Variants in CCBE1 observed in about 807,000 individuals in gnomAD.
CCBE1 encodes collagen and calcium-binding EGF domain-containing protein 1.
In CCBE1, 37 loss-of-function variants were observed where a neutral mutation model predicts 50.0. The observed-to-expected ratio is 0.74, with a 90% CI of 0.57 to 0.97. The LOEUF (loss-of-function observed/expected upper bound fraction) is 0.97, where lower values mean the gene tolerates loss of function less well. Among genes scored for constraint, CCBE1 ranks in the 50% least tolerant of loss-of-function variants. The pLI is 0.00. For missense variants in CCBE1, 538 were observed against 523.8 expected (o/e 1.03, Z -0.26); for synonymous variants, 234 against 203.7 (o/e 1.15, Z -1.27).
At chr18:59,558,031 G>A (rs932113082) in intron 2 of CCBE1, among the ~76,000 whole-genome samples, 7 of 152,292 alleles carry the variant, frequency 4.6e-5, no homozygotes, top group Non-Finnish European at 7.4e-5. Context: ...AAAACTCCCC[G>A]GAGGTGGAGC....
intron 2 of CCBE1, among the ~76,000 whole-genome samples, chr18:59,660,072 G>A (rs947196753): frequency 1.9e-4 from 29 of 152,166 alleles, no homozygotes; most frequent in African/African-American, 6.5e-4. Context: ...CAGGGCTCAG[G>A]ACCCCTGCAT....
Position 59,650,616 on chromosome 18 carries a change from G to A in CCBE1, c.212+46013C>T, listed in dbSNP as rs1345182986. On this transcript the variant is annotated intron_variant, in intron 2 of 10. Transcript: ENST00000439986. ...GGAATTTGAATTGTAAAGTATTTCT[G>A]ATGCCCTGGGAAAGCTCACCACGCA... Among the ~76,000 whole-genome samples the A allele has an allele frequency of 2.0e-5, 3 of 151,452 alleles. No individual in the cohort carries two copies. The Admixed American group carries it at 2.0e-4, about 10-fold the overall frequency.
At chr18:59,643,836 G>A (rs1306513156) in intron 2 of CCBE1, among the ~76,000 whole-genome samples, 1 of 150,682 alleles carries the variant, frequency 6.6e-6, no homozygotes, top group Non-Finnish European at 1.5e-5. Flanking sequence ...CGGGGTGGGG[G>A]TGGGGTGAGG....
chr18:59,508,912 A>G (rs1331537037), intron 2 of CCBE1, among the ~76,000 whole-genome samples: 3 of 152,222 alleles, frequency 2.0e-5, no homozygotes, highest in South Asian at 4.2e-4. Flanking sequence ...CGGCAAGGTC[A>G]TGCAACTTAT....
At chr18:59,520,272 C>T (rs1057054872) in intron 2 of CCBE1, among the ~76,000 whole-genome samples, 3 of 152,088 alleles carry the variant, frequency 2.0e-5, no homozygotes, top group Non-Finnish European at 4.4e-5. Flanking sequence ...GGCAATATGG[C>T]CATTTTCATG....
chr18:59,505,051 T>C (rs1913805888), intron 2 of CCBE1, among the ~76,000 whole-genome samples: 1 of 152,200 alleles, frequency 6.6e-6, no homozygotes, highest in South Asian at 2.1e-4. Context: ...GCTTCCTTAC[T>C]GCAAAGTGAG....
intron 2 of CCBE1, among the ~76,000 whole-genome samples, chr18:59,527,658 G>A (rs1598981280): frequency 1.3e-5 from 2 of 152,302 alleles, no homozygotes; most frequent in Non-Finnish European, 1.5e-5. Context: ...TCCTTCAGGA[G>A]CTCTTGCAAG....
chr18:59,500,987 C>A (rs1314782217), intron 2 of CCBE1, among the ~76,000 whole-genome samples: 1 of 152,186 alleles, frequency 6.6e-6, no homozygotes, highest in Non-Finnish European at 1.5e-5. Flanking sequence ...GTGATTACAC[C>A]CAGTTTACAG....
At chr18:59,553,304 C>T (rs1568202855) in intron 2 of CCBE1, among the ~76,000 whole-genome samples, 1 of 152,184 alleles carries the variant, frequency 6.6e-6, no homozygotes, top group Non-Finnish European at 1.5e-5. Context: ...AGCATGAGCA[C>T]ATGTAACAGA....
intron 2 of CCBE1, among the ~76,000 whole-genome samples, chr18:59,669,705 G>A (rs372670896): frequency 4.6e-5 from 7 of 152,202 alleles, no homozygotes; most frequent in South Asian, 2.1e-4. Flanking sequence ...ATGACTTCAG[G>A]TTCCCTCACA....
chr18:59,642,057 T>G (rs968911935), intron 2 of CCBE1, among the ~76,000 whole-genome samples: 2 of 152,130 alleles, frequency 1.3e-5, no homozygotes, highest in African/African-American at 4.8e-5. Context: ...ATCGATGACA[T>G]TAAAATTCAA....
intron 2 of CCBE1, among the ~76,000 whole-genome samples, chr18:59,655,361 G>C (rs992261966): frequency 6.6e-6 from 1 of 152,160 alleles, no homozygotes. Context: ...TCACTGGCTG[G>C]GGCAATGTCA....
Position 59,466,792 on chromosome 18 carries a change from C to T in CCBE1, c.500G>A (p.Arg167Gln), listed in dbSNP as rs368065685. ...YRCECREGYIREDDGKTCTRG... is the reference protein window; with the variant it reads ...YRCECREGYIQEDDGKTCTRG... Reference sequence around the variant, plus strand: ...GGTACATGTCTTCCCATCATCTTCCCGGATGTAGCCTTCCCGGCACTCGCA... The same window carrying T: ...GGTACATGTCTTCCCATCATCTTCCTGGATGTAGCCTTCCCGGCACTCGCA... The change falls in exon 5 of 11, where the codon CGG becomes CAG. Residue 167 changes from arginine to glutamine, a missense_variant. Coordinates refer to ENST00000439986, the MANE Select transcript of CCBE1 (RefSeq NM_133459.4). The T allele has an allele frequency of 2.2e-5, 36 of 1,613,596 alleles. No homozygotes were observed. Among genetic ancestry groups the T allele is most frequent in the Middle Eastern group, 3.4e-4 (2 of 5,900 alleles).
chr18:59,581,478 C>A (rs1453337015), intron 2 of CCBE1, among the ~76,000 whole-genome samples: 1 of 150,536 alleles, frequency 6.6e-6, no homozygotes, highest in Non-Finnish European at 1.5e-5. Context: ...ATATTGGATA[C>A]CAGGAATAGG....
chr18:59,547,101 G>A (rs556254602), intron 2 of CCBE1, among the ~76,000 whole-genome samples: 1 of 146,154 alleles, frequency 6.8e-6, no homozygotes, highest in Admixed American at 6.8e-5. Flanking sequence ...GAGGGAGGTA[G>A]GGAGAGGGAG....
At position 59,535,416 on chromosome 18, in the gene CCBE1, G is replaced by C. The variant is rs1420040958; in HGVS notation, c.213-55178C>G. Reference sequence around the variant, plus strand: ...GCATTACCGGGTGTTAGTGAACGTAGAGAGGAACAGAAATTCTCATACTCT... The same window carrying C: ...GCATTACCGGGTGTTAGTGAACGTACAGAGGAACAGAAATTCTCATACTCT... On this transcript the variant is annotated intron_variant, in intron 2 of 10. Transcript: ENST00000439986. Among the ~76,000 whole-genome samples, 3 of 152,214 alleles carry C rather than the reference G, an allele frequency of 2.0e-5. No individual in the cohort carries two copies. The East Asian group carries it at 5.8e-4, about 29-fold the overall frequency.
At chr18:59,449,382 GA>G (rs11353031) in intron 6 of CCBE1, among the ~76,000 whole-genome samples, 65,849 of 150,836 alleles carry the variant, frequency 0.44, 14,532 homozygotes, top group Middle Eastern at 0.56. Context: ...AGCAATTTGG[GA>G]GGCCAAGGCA....
chr18:59,615,715 T>C (rs1327091791), intron 2 of CCBE1, among the ~76,000 whole-genome samples: 1 of 152,182 alleles, frequency 6.6e-6, no homozygotes, highest in Non-Finnish European at 1.5e-5. Flanking sequence ...GTTATTTCTT[T>C]TGTCTGCTCT....
chr18:59,577,118 G>GT (rs2053009406), intron 2 of CCBE1, among the ~76,000 whole-genome samples: 1 of 152,220 alleles, frequency 6.6e-6, no homozygotes, highest in South Asian at 2.1e-4. Flanking sequence ...TTTGCGGTGG[G>GT]TCTGTTTCTG....
Sources: allele counts gnomAD v4.1 joint callset (sites outside exome capture counted in the v4.1 genomes callset), GRCh38; gene constraint gnomAD v4.1.1; transcripts MANE v1.5; gene names NCBI Gene and HGNC (gene_info 2026-07-23, HGNC 2026-07-21).